The following HS6ST1 variants were observed in gnomAD, a reference collection of about 807,000 sequenced individuals.
HS6ST1 encodes heparan-sulfate 6-O-sulfotransferase 1.
HS6ST1 carries 3 observed loss-of-function variants against 25.2 expected under a neutral mutation model. The ratio of observed to expected loss-of-function variants is 0.12; its 90% CI spans 0.05 to 0.31. The LOEUF (loss-of-function observed/expected upper bound fraction) is 0.31. Among genes scored for constraint, HS6ST1 ranks in the 10% least tolerant of loss-of-function variants. The probability of loss-of-function intolerance (pLI) is 1.00; values close to 1 mark genes in which losing one functional copy is unlikely to be tolerated. For missense variants in HS6ST1, 310 were observed against 609.6 expected (o/e 0.51, Z 5.18); for synonymous variants, 204 against 275.1 (o/e 0.74, Z 2.56).
At chr2:128,270,142 A>G (rs867879249) in intron 1 of HS6ST1, among the ~76,000 whole-genome samples, 1 of 152,190 alleles carries the variant, frequency 6.6e-6, no homozygotes, top group Non-Finnish European at 1.5e-5. Context: ...CAAGGCCAGC[A>G]CTACTGCATG....
At position 128,316,646 on chromosome 2, in the gene HS6ST1, G is replaced by T. The variant is rs546059286; in HGVS notation, c.527+1391C>A. ...TCTGTGACCGCCAAGTGTAGAATGT[G>T]GCTGTAAGAGGCTCAGAACATCACC... On this transcript the variant is annotated intron_variant, in intron 1 of 1. Coordinates refer to ENST00000259241, the MANE Select transcript of HS6ST1 (RefSeq NM_004807.3). Among the ~76,000 whole-genome samples, 21 of 152,294 alleles carry T rather than the reference G, an allele frequency of 1.4e-4. No homozygotes were observed. In the South Asian group the frequency reaches 4.2e-3, roughly 30 times the overall value.
At chr2:128,317,118 A>T (rs1362002034) in intron 1 of HS6ST1, among the ~76,000 whole-genome samples, 3 of 152,238 alleles carry the variant, frequency 2.0e-5, no homozygotes, top group Non-Finnish European at 4.4e-5. Flanking sequence ...ACCAACAGGA[A>T]CAGGAGGAAA....
chr2:128,268,801 C>T lies in HS6ST1; in HGVS notation c.597G>A (p.Gln199=). Residue 199 remains glutamine (Q), a synonymous_variant, in exon 2 of 2, where the codon CAG becomes CAA. Transcript: ENST00000259241. ...ACGACGTCTTCCACGTGGCACCCCT[C>T]TGCACATGCCGCCACTCGCTCAGGT... ...SRYLSEWRHV[Q]RGATWKTSLH... 3.1e-6 allele frequency: 5 copies of T among 1,612,892 alleles called. No individual in the cohort carries two copies. Among genetic ancestry groups the T allele is most frequent in the Non-Finnish European group, 4.2e-6 (5 of 1,179,896 alleles).
intron 1 of HS6ST1, among the ~76,000 whole-genome samples, chr2:128,284,689 T>C (rs1300821399): frequency 2.0e-5 from 3 of 152,142 alleles, no homozygotes; most frequent in African/African-American, 7.2e-5. Context: ...GGTTTTGCCA[T>C]GTTGGCCAAG....
At chr2:128,273,094 G>A (rs893590289) in intron 1 of HS6ST1, among the ~76,000 whole-genome samples, 3 of 152,220 alleles carry the variant, frequency 2.0e-5, no homozygotes, top group Non-Finnish European at 4.4e-5. Flanking sequence ...AGCTGCTGGG[G>A]AACCACACCA....
rs1693543820 is a variant in HS6ST1 at position 128,267,807 on chromosome 2, G to T, written c.*355C>A. 3 of 383,908 alleles carry T rather than the reference G, an allele frequency of 7.8e-6. No individual in the cohort carries two copies. Among genetic ancestry groups the T allele is most frequent in the Non-Finnish European group, 1.4e-5 (3 of 208,602 alleles). The allele number at this position is 383,908 out of a possible 1,614,324, so 23.8% of individuals were successfully genotyped here. Reference sequence around the variant, plus strand: ...TGGTGAGGGACACACTCCCGGCCTGGCAGGTCCACTTTCCGCTGTCCTCGT... The same window carrying T: ...TGGTGAGGGACACACTCCCGGCCTGTCAGGTCCACTTTCCGCTGTCCTCGT... On this transcript the variant is annotated 3_prime_UTR_variant, in exon 2 of 2. Transcript: ENST00000259241.
At chr2:128,315,135 C>T (rs1475487671) in intron 1 of HS6ST1, among the ~76,000 whole-genome samples, 3 of 152,200 alleles carry the variant, frequency 2.0e-5, no homozygotes, top group Non-Finnish European at 4.4e-5. Context: ...TGGCTGATGT[C>T]GGCAGATGAG....
At chr2:128,297,201 A>G (rs1344962320) in intron 1 of HS6ST1, among the ~76,000 whole-genome samples, 1 of 152,260 alleles carries the variant, frequency 6.6e-6, no homozygotes, top group Non-Finnish European at 1.5e-5. Context: ...ATATAGACCA[A>G]TGGAATACGA....
At chr2:128,303,570 C>T (rs1444449803) in intron 1 of HS6ST1, among the ~76,000 whole-genome samples, 3 of 152,228 alleles carry the variant, frequency 2.0e-5, no homozygotes, top group African/African-American at 7.2e-5. Flanking sequence ...CTCCTCCATA[C>T]ATGGTGGGGG....
chr2:128,276,771 C>T (rs1317494516), intron 1 of HS6ST1, among the ~76,000 whole-genome samples: 1 of 152,044 alleles, frequency 6.6e-6, no homozygotes, highest in Non-Finnish European at 1.5e-5. Flanking sequence ...CCAGAGCTCC[C>T]CGCCAGTCTC....
At position 128,300,126 on chromosome 2, in the gene HS6ST1, G is replaced by C. The variant is rs78839892; in HGVS notation, c.527+17911C>G. Among the ~76,000 whole-genome samples the C allele has an allele frequency of 1.9e-3, 286 of 152,272 alleles. 4 individuals carry two copies. In the East Asian group the frequency reaches 0.043, roughly 23 times the overall value. On this transcript the variant is annotated intron_variant, in intron 1 of 1. Transcript: ENST00000259241. ...AGCGGCTTCCTCTGTAAAATGGGGG[G>C]CTTCTCCAAAGTTCCAAGCACACTC... is the stretch of plus-strand genomic sequence containing the variant.
chr2:128,318,458 C>T lies in HS6ST1; in HGVS notation c.106G>A (p.Ala36Thr). 1.9e-6 allele frequency: 3 copies of T among 1,583,216 alleles called. No individual in the cohort carries two copies. The highest frequency in any genetic ancestry group is 2.6e-6 in the Non-Finnish European group (3 of 1,167,978). The change falls in exon 1 of 2, where the codon GCG becomes ACG. Residue 36 changes from alanine (A) to threonine (T), a missense_variant. Ala to Thr is a moderately conservative substitution (Grantham distance 58). Around this residue, in one of 5 missense-constraint regions of HS6ST1, gnomAD observed 63 missense variants for 105.4 expected, o/e 0.60. Transcript: ENST00000259241. This position sits in a 1 kb window ranked among gnomAD's most constrained non-coding sequence, Gnocchi z 5.7. ...VCFMLILYQYAGPGLSLGAPG... is the reference protein window; with the variant it reads ...VCFMLILYQYTGPGLSLGAPG... ...GCGCCCAGGCTCAGTCCTGGGCCCG[C>T]GTACTGGTACAAGATGAGCATGAAG... is the stretch of plus-strand genomic sequence containing the variant.
intron 1 of HS6ST1, among the ~76,000 whole-genome samples, chr2:128,280,749 G>A (rs1002422133): frequency 6.6e-6 from 1 of 152,144 alleles, no homozygotes; most frequent in Admixed American, 6.5e-5. Flanking sequence ...GGTCTGGAGA[G>A]GGGCCCCATG....
chr2:128,271,827 C>T (rs1693613751), intron 1 of HS6ST1, among the ~76,000 whole-genome samples: 1 of 152,220 alleles, frequency 6.6e-6, no homozygotes, highest in African/African-American at 2.4e-5. Context: ...ATTCCTCAGC[C>T]GCACACAGTG....
chr2:128,293,422 G>A (rs1014995171), intron 1 of HS6ST1, among the ~76,000 whole-genome samples: 4 of 152,228 alleles, frequency 2.6e-5, no homozygotes, highest in Admixed American at 2.6e-4. Flanking sequence ...TAACTGTGGC[G>A]GCTGCCACCA....
intron 1 of HS6ST1, among the ~76,000 whole-genome samples, chr2:128,312,225 C>T (rs769267421): frequency 1.3e-5 from 2 of 152,230 alleles, no homozygotes; most frequent in African/African-American, 2.4e-5. Context: ...GGGCTGGGTG[C>T]GGCATACAGC....
intron 1 of HS6ST1, among the ~76,000 whole-genome samples, chr2:128,309,543 G>A (rs557139947): frequency 9.8e-5 from 15 of 152,330 alleles, no homozygotes; most frequent in African/African-American, 3.1e-4. Flanking sequence ...CACCGGGGGC[G>A]GTCACCCACG....
chr2:128,273,326 C>T (rs918233192), intron 1 of HS6ST1, among the ~76,000 whole-genome samples: 21 of 152,318 alleles, frequency 1.4e-4, no homozygotes, highest in African/African-American at 3.6e-4. Flanking sequence ...CCCCTAGACA[C>T]GGCCTGTGGT....
intron 1 of HS6ST1, among the ~76,000 whole-genome samples, chr2:128,314,456 G>A (rs1694332964): frequency 6.6e-6 from 1 of 152,198 alleles, no homozygotes; most frequent in Admixed American, 6.5e-5. Context: ...GGCAACAGGG[G>A]AGCCTAGGAA....
Sources: allele counts gnomAD v4.1 joint callset (sites outside exome capture counted in the v4.1 genomes callset), GRCh38; gene constraint gnomAD v4.1.1; regional missense constraint gnomAD v4.1.1; non-coding constraint Gnocchi (gnomAD v3.1); transcripts MANE v1.5; gene names NCBI Gene and HGNC (gene_info 2026-07-23, HGNC 2026-07-21).